ATRNL1: variants seen among roughly 807,000 people sequenced by gnomAD.
ATRNL1 encodes attractin-like protein 1.
Under a neutral mutation model 182.7 loss-of-function variants are expected in ATRNL1, and 95 were observed. That is an observed-to-expected ratio of 0.52 (90% CI 0.44 to 0.62). ATRNL1 has a LOEUF of 0.62. ATRNL1 is among the 20% of genes least tolerant of loss of function. The pLI, the probability that ATRNL1 is intolerant of heterozygous loss-of-function variation, is 0.00. For synonymous variants in ATRNL1, 576 were observed against 568.3 expected, an observed-to-expected ratio of 1.01 and a Z score of -0.19; for missense variants, 1,471 against 1,679.5, an observed-to-expected ratio of 0.88 and a Z score of 2.17.
At chr10:115,138,209 A>C (rs1224551666) in intron 5 of ATRNL1, among the ~76,000 whole-genome samples, 1 of 152,128 alleles carries the variant, frequency 6.6e-6, no homozygotes, top group Non-Finnish European at 1.5e-5. Context: ...ACTTGCTTTC[A>C]GGGGCTGGCA....
chr10:115,945,610 A>G lies in ATRNL1; in HGVS notation c.*831A>G, dbSNP rs561249433. On this transcript the variant is annotated 3_prime_UTR_variant, in exon 29 of 29. Coordinates refer to ENST00000355044, the MANE Select transcript of ATRNL1 (RefSeq NM_207303.4). ...GCATACAAGCTTCTGCTCCAGTATGATAATTTTTAATTGCCTAAGAATCAT... is the reference window on the plus strand; with the variant it reads ...GCATACAAGCTTCTGCTCCAGTATGGTAATTTTTAATTGCCTAAGAATCAT... 6.6e-6 allele frequency: 1 copy of G among 152,296 alleles called. No homozygotes were observed. The highest frequency in any genetic ancestry group is 6.5e-5 in the Admixed American group (1 of 15,286). The allele number at this position is 152,296 out of a possible 1,614,324, so 9.4% of individuals were successfully genotyped here.
At chr10:115,610,821 G>A (rs1280450685) in intron 26 of ATRNL1, among the ~76,000 whole-genome samples, 2 of 152,102 alleles carry the variant, frequency 1.3e-5, no homozygotes, top group African/African-American at 4.8e-5. Flanking sequence ...CTGTTTTATT[G>A]AAGTTCAACT....
At chr10:115,542,026 G>A (rs564005496) in intron 25 of ATRNL1, among the ~76,000 whole-genome samples, 2 of 152,258 alleles carry the variant, frequency 1.3e-5, no homozygotes, top group East Asian at 1.9e-4. Context: ...AACATTTAAT[G>A]TAGGAAGAAA....
chr10:115,728,842 A>C (rs1490251273), intron 27 of ATRNL1, among the ~76,000 whole-genome samples: 1 of 152,208 alleles, frequency 6.6e-6, no homozygotes, highest in African/African-American at 2.4e-5. Flanking sequence ...AAAAATAACA[A>C]AAAAGAATGA....
At chr10:115,716,768 G>A (rs895621156) in intron 26 of ATRNL1, among the ~76,000 whole-genome samples, 1 of 152,022 alleles carries the variant, frequency 6.6e-6, no homozygotes, top group Non-Finnish European at 1.5e-5. Context: ...ACTCGTCAAG[G>A]TTGACTTGAT....
chr10:115,640,550 C>A (rs1052743558), intron 26 of ATRNL1, among the ~76,000 whole-genome samples: 1 of 151,952 alleles, frequency 6.6e-6, no homozygotes, highest in African/African-American at 2.4e-5. Flanking sequence ...TTTTTTCATA[C>A]GTTTGTTGGC....
chr10:115,597,550 A>G (rs1555014398), intron 26 of ATRNL1: 1 of 397,178 alleles, frequency 2.5e-6, no homozygotes, highest in Admixed American at 3.6e-5. Flanking sequence ...ATTACATGAA[A>G]CAATTCATTT....
At chr10:115,229,962 C>T (rs138701073) in intron 9 of ATRNL1, among the ~76,000 whole-genome samples, 1 of 152,200 alleles carries the variant, frequency 6.6e-6, no homozygotes, top group Non-Finnish European at 1.5e-5. Flanking sequence ...CCCTAGAAGC[C>T]CCCATGTGTC....
At chr10:115,833,736 C>A (rs78993038) in intron 27 of ATRNL1, among the ~76,000 whole-genome samples, 1 of 152,060 alleles carries the variant, frequency 6.6e-6, no homozygotes, top group Admixed American at 6.6e-5. Context: ...CCCAAGTAAG[C>A]GGCAGTTAAG....
intron 1 of ATRNL1, among the ~76,000 whole-genome samples, chr10:115,097,814 C>T (rs1191276084): frequency 3.9e-5 from 6 of 152,140 alleles, no homozygotes; most frequent in African/African-American, 4.8e-5. Context: ...GTCCCAGTTA[C>T]TCAGGAGGCT....
chr10:115,801,226 C>T (rs942144467), intron 27 of ATRNL1, among the ~76,000 whole-genome samples: 12 of 152,082 alleles, frequency 7.9e-5, no homozygotes, highest in Non-Finnish European at 1.3e-4. Flanking sequence ...CCCCCTGTCT[C>T]GTCTGACTTT....
At chr10:115,928,710 A>C (rs1953307925) in intron 28 of ATRNL1, among the ~76,000 whole-genome samples, 1 of 151,858 alleles carries the variant, frequency 6.6e-6, no homozygotes, top group African/African-American at 2.4e-5. Flanking sequence ...ATTTTTTTTA[A>C]ATAGAGAAGT....
At chr10:115,633,423 G>C (rs117854958) in intron 26 of ATRNL1, among the ~76,000 whole-genome samples, 2 of 152,062 alleles carry the variant, frequency 1.3e-5, no homozygotes, top group African/African-American at 4.8e-5. Flanking sequence ...TTTGAATTTG[G>C]TCTATAGATT....
At chr10:115,316,162 C>T (rs567341654) in intron 18 of ATRNL1, among the ~76,000 whole-genome samples, 3 of 152,112 alleles carry the variant, frequency 2.0e-5, no homozygotes, top group Admixed American at 6.6e-5. Context: ...CCTGTGTCCA[C>T]GTGTTCTCAT....
At chr10:115,541,909 T>C (rs1416944516) in intron 25 of ATRNL1, among the ~76,000 whole-genome samples, 3 of 152,196 alleles carry the variant, frequency 2.0e-5, no homozygotes, top group Admixed American at 1.3e-4. Context: ...TTGAGCTATA[T>C]ACTTAGGGTT....
At chr10:115,553,732 G>C (rs762957136) in intron 26 of ATRNL1, among the ~76,000 whole-genome samples, 3 of 151,340 alleles carry the variant, frequency 2.0e-5, no homozygotes, top group Non-Finnish European at 4.5e-5. Context: ...AAATACATTA[G>C]TTCTTTCCTT....
At chr10:115,136,034 G>GT (rs34129705) in intron 5 of ATRNL1, among the ~76,000 whole-genome samples, 48,083 of 142,910 alleles carry the variant, frequency 0.34, 8,599 homozygotes, top group Middle Eastern at 0.47. Flanking sequence ...TAATTAAATT[G>GT]TTTTTTTTTT....
intron 26 of ATRNL1, among the ~76,000 whole-genome samples, chr10:115,561,700 TGTGG>T (rs149925260): frequency 9.8e-4 from 100 of 102,196 alleles, no homozygotes; most frequent in East Asian, 5.0e-3. Context: ...GGTGTGTGTG[TGTGG>T]GTGTGTGTGT....
At chr10:115,856,120 G>A (rs1358464215) in intron 28 of ATRNL1, among the ~76,000 whole-genome samples, 4 of 152,058 alleles carry the variant, frequency 2.6e-5, no homozygotes, top group Non-Finnish European at 5.9e-5. Context: ...AATTGTTGGT[G>A]TAGTCATTAA....
Sources: gnomAD v4.1 joint callset for allele counts (sites outside exome capture counted in the v4.1 genomes callset) on GRCh38, gnomAD v4.1.1 for gene constraint, MANE v1.5 for transcripts, NCBI Gene and HGNC (gene_info 2026-07-23, HGNC 2026-07-21) for gene names.